The following RBFOX1 variants were observed in gnomAD, a reference collection of about 807,000 sequenced individuals.
The protein encoded by RBFOX1 is RNA binding fox-1 homolog 1.
Under a neutral mutation model 57.7 loss-of-function variants are expected in RBFOX1, and 8 were observed. The observed-to-expected ratio is 0.14, with a 90% CI of 0.08 to 0.25. The LOEUF (loss-of-function observed/expected upper bound fraction) is 0.25. RBFOX1 is among the 10% of genes least tolerant of loss of function. The probability of loss-of-function intolerance (pLI) is 1.00; values close to 1 mark genes in which losing one functional copy is unlikely to be tolerated. For synonymous variants in RBFOX1, 326 were observed against 222.4 expected, an observed-to-expected ratio of 1.47 and a Z score of -4.15; for missense variants, 611 against 548.5, an observed-to-expected ratio of 1.11 and a Z score of -1.14.
In RBFOX1 at chr16:7,712,517, T is replaced by G. The variant is rs963712254; in HGVS notation, c.*1772T>G. ...ATTTGAAAACAAAGTTTCTGTAGCT[T>G]CGATACCTAAGACAGACGATAGTGA... On this transcript the variant is annotated 3_prime_UTR_variant, in exon 16 of 16. Coordinates refer to ENST00000550418, the MANE Select transcript of RBFOX1 (RefSeq NM_018723.4). 3 of 152,564 alleles carry G rather than the reference T, an allele frequency of 2.0e-5. No individual in the cohort carries two copies. The highest frequency in any genetic ancestry group is 7.2e-5 in the African/African-American group (3 of 41,426). The allele number at this position is 152,564 out of a possible 1,614,324, so 9.5% of individuals were successfully genotyped here. A position where few individuals can be genotyped will look rare whatever the true frequency, so the allele number is the denominator to read the frequency against.
intron 3 of RBFOX1, among the ~76,000 whole-genome samples, chr16:6,742,745 T>C (rs1364516079): frequency 6.6e-6 from 1 of 152,176 alleles, no homozygotes; most frequent in Non-Finnish European, 1.5e-5. Flanking sequence ...CAAAAGGTTA[T>C]AGACTATACA....
At chr16:7,218,640 GTGTGTGTGT>G (rs2092455766) in intron 4 of RBFOX1, among the ~76,000 whole-genome samples, 2 of 142,604 alleles carry the variant, frequency 1.4e-5, no homozygotes, top group Admixed American at 1.4e-4. Flanking sequence ...GTGTGTGTGT[GTGTGTGTGT>G]GTGTGTGTGT....
chr16:5,758,388 C>T (rs2053473945), intron 3 of RBFOX1, among the ~76,000 whole-genome samples: 1 of 152,032 alleles, frequency 6.6e-6, no homozygotes, highest in Non-Finnish European at 1.5e-5. Context: ...CGAGCTTGGT[C>T]CCTAGGTTGG....
intron 2 of RBFOX1, among the ~76,000 whole-genome samples, chr16:5,505,537 G>A (rs1331877533): frequency 1.3e-5 from 2 of 152,114 alleles, no homozygotes; most frequent in African/African-American, 4.8e-5. Flanking sequence ...CCTGTCTCCT[G>A]CAGCCCCTCT....
Position 6,467,543 on chromosome 16 carries a change from A to T in RBFOX1, c.-64+150486A>T, listed in dbSNP as rs112969988. Among the ~76,000 whole-genome samples, 964 of 152,296 alleles carry T rather than the reference A, an allele frequency of 6.3e-3. 13 individuals are homozygous for T. Among genetic ancestry groups the T allele is most frequent in the African/African-American group, 0.022 (923 of 41,568 alleles). ...CTGAGACAGGAGTTCTTAGCTGTAG[A>T]ATAAAGAGAGCTGGTTTTGTAGAAC... On this transcript the variant is annotated intron_variant, in intron 2 of 15. Transcript: ENST00000550418.
intron 4 of RBFOX1, among the ~76,000 whole-genome samples, chr16:7,433,275 G>T (rs759280339): frequency 6.6e-6 from 1 of 152,108 alleles, no homozygotes; most frequent in Non-Finnish European, 1.5e-5. Context: ...GGTGAGTAAG[G>T]GTCCAGTTCT....
intron 3 of RBFOX1, among the ~76,000 whole-genome samples, chr16:6,689,294 C>T (rs572600838): frequency 2.4e-4 from 37 of 152,186 alleles, no homozygotes; most frequent in Non-Finnish European, 4.9e-4. Context: ...GTTTATAATT[C>T]ACATGAAGTG....
intron 13 of RBFOX1, chr16:7,671,693 G>A: frequency 8.6e-7 from 1 of 1,158,622 alleles, no homozygotes; most frequent in Non-Finnish European, 1.3e-6. Context: ...GAGGGGAACA[G>A]TTCTCTAACA....
chr16:5,524,579 C>T (rs1397447077), intron 2 of RBFOX1, among the ~76,000 whole-genome samples: 14 of 149,398 alleles, frequency 9.4e-5, no homozygotes, highest in Admixed American at 2.7e-4. Context: ...CTTGCTCTGT[C>T]GCCCAGGCTG....
intron 5 of RBFOX1, among the ~76,000 whole-genome samples, chr16:7,565,769 G>A (rs975838516): frequency 3.9e-5 from 6 of 152,128 alleles, no homozygotes; most frequent in African/African-American, 1.2e-4. Flanking sequence ...GCTCTTCAAA[G>A]TACACTTTTT....
intron 4 of RBFOX1, among the ~76,000 whole-genome samples, chr16:7,437,731 G>C (rs2098734242): frequency 6.6e-6 from 1 of 152,134 alleles, no homozygotes; most frequent in African/African-American, 2.4e-5. Flanking sequence ...GCAGCTCTGA[G>C]AAGCATCTTT....
chr16:6,076,078 C>T lies in RBFOX1; in HGVS notation c.-127+56086C>T, dbSNP rs185304012. ...CTTTGGGAGGCTGAGGAGGGCTAAT[C>T]ACCTGAGTTTGGGGGTTCAAAACCA... On this transcript the variant is annotated intron_variant, in intron 1 of 15. Coordinates refer to ENST00000550418, the MANE Select transcript of RBFOX1 (RefSeq NM_018723.4). 1.9e-3 allele frequency among the ~76,000 whole-genome samples: 287 copies of T among 152,272 alleles called. 6 individuals are homozygous for T. Among genetic ancestry groups the T allele is most frequent in the Admixed American group, 0.017 (264 of 15,292 alleles).
intron 3 of RBFOX1, among the ~76,000 whole-genome samples, chr16:6,763,360 T>G (rs756631513): frequency 6.6e-6 from 1 of 152,220 alleles, no homozygotes; most frequent in Non-Finnish European, 1.5e-5. Context: ...AGTGATTACT[T>G]TCCTGTTGGA....
intron 2 of RBFOX1, among the ~76,000 whole-genome samples, chr16:6,369,874 C>A (rs144033019): frequency 1.7e-3 from 262 of 152,304 alleles, no homozygotes; most frequent in African/African-American, 6.2e-3. Context: ...GTATAGTCCT[C>A]TGGTCTCATC....
intron 3 of RBFOX1, among the ~76,000 whole-genome samples, chr16:5,709,408 C>A (rs1230749444): frequency 6.6e-6 from 1 of 152,162 alleles, no homozygotes; most frequent in African/African-American, 2.4e-5. Flanking sequence ...GCTTAGACAA[C>A]TGGCAGAATA....
At chr16:7,067,150 G>A (rs1185792211) in intron 4 of RBFOX1, among the ~76,000 whole-genome samples, 1 of 152,120 alleles carries the variant, frequency 6.6e-6, no homozygotes, top group African/African-American at 2.4e-5. Context: ...ACATGGGCCC[G>A]GAGAACTGAA....
intron 3 of RBFOX1, among the ~76,000 whole-genome samples, chr16:6,895,466 A>ATG (rs2066628587): frequency 2.6e-5 from 3 of 116,240 alleles, no homozygotes; most frequent in South Asian, 6.7e-4. Flanking sequence ...ATATATATAT[A>ATG]TATATATATA....
intron 1 of RBFOX1, among the ~76,000 whole-genome samples, chr16:6,077,894 C>G (rs774356314): frequency 6.6e-6 from 1 of 151,936 alleles, no homozygotes; most frequent in Non-Finnish European, 1.5e-5. Context: ...TTAGGAACAT[C>G]CAAGGAGTAG....
chr16:5,788,583 C>T (rs531821277), intron 3 of RBFOX1, among the ~76,000 whole-genome samples: 14 of 152,268 alleles, frequency 9.2e-5, no homozygotes, highest in Admixed American at 6.5e-4. Context: ...GAGCCGGGAT[C>T]GTGCCACTGC....
Sources: gnomAD v4.1 joint callset for allele counts (sites outside exome capture counted in the v4.1 genomes callset) on GRCh38, gnomAD v4.1.1 for gene constraint, MANE v1.5 for transcripts, NCBI Gene and HGNC (gene_info 2026-07-23, HGNC 2026-07-21) for gene names.